The following LUZP2 variants were observed in gnomAD, a reference collection of about 807,000 sequenced individuals.
LUZP2 encodes leucine zipper protein 2.
Under a neutral mutation model 51.6 loss-of-function variants are expected in LUZP2, and 52 were observed. That is an observed-to-expected ratio of 1.01 (90% confidence interval 0.81 to 1.27). The LOEUF (loss-of-function observed/expected upper bound fraction) is 1.27, where lower values mean the gene tolerates loss of function less well. Ranked by LOEUF, LUZP2 falls within the 50% of genes most tolerant of loss-of-function variation. The probability of loss-of-function intolerance (pLI) is 0.00; values close to 1 mark genes in which losing one functional copy is unlikely to be tolerated. For missense variants in LUZP2, 436 were observed against 395.4 expected, an observed-to-expected ratio of 1.10 and a Z score of -0.87; for synonymous variants, 154 against 137.3, an observed-to-expected ratio of 1.12 and a Z score of -0.85.
At chr11:24,613,985 C>A (rs1854207199) in intron 1 of LUZP2, among the ~76,000 whole-genome samples, 1 of 151,936 alleles carries the variant, frequency 6.6e-6, no homozygotes, top group Admixed American at 6.6e-5. Context: ...GTTCTATTTA[C>A]ATTTGTGGTA....
intron 5 of LUZP2, among the ~76,000 whole-genome samples, chr11:24,866,220 G>A (rs1400293847): frequency 6.6e-6 from 1 of 151,474 alleles, no homozygotes; most frequent in Non-Finnish European, 1.5e-5. Context: ...ACACTCCTTA[G>A]TCCACTTATC....
At chr11:24,792,833 T>A (rs574358190) in intron 5 of LUZP2, among the ~76,000 whole-genome samples, 1 of 152,294 alleles carries the variant, frequency 6.6e-6, no homozygotes, top group South Asian at 2.1e-4. Context: ...GGTGTCAGGA[T>A]TGGGATTTGT....
At chr11:24,705,161 A>G (rs999505333) in intron 1 of LUZP2, among the ~76,000 whole-genome samples, 4 of 152,092 alleles carry the variant, frequency 2.6e-5, no homozygotes, top group African/African-American at 9.7e-5. Context: ...AAGATAGTAA[A>G]GTTTTTTAAA....
At chr11:25,064,159 T>G (rs1439041423) in intron 10 of LUZP2, among the ~76,000 whole-genome samples, 2 of 146,516 alleles carry the variant, frequency 1.4e-5, no homozygotes, top group Non-Finnish European at 3.1e-5. Flanking sequence ...TAGTTTATTT[T>G]ATTGTTTCTT....
At chr11:24,918,058 G>C (rs1426225462) in intron 7 of LUZP2, among the ~76,000 whole-genome samples, 1 of 151,932 alleles carries the variant, frequency 6.6e-6, no homozygotes, top group Non-Finnish European at 1.5e-5. Context: ...CACATCCCTT[G>C]TAAGTTGGAT....
intron 9 of LUZP2, among the ~76,000 whole-genome samples, chr11:25,029,157 A>C (rs779622313): frequency 2.6e-5 from 4 of 152,178 alleles, no homozygotes; most frequent in Non-Finnish European, 5.9e-5. Flanking sequence ...AATAAATAAG[A>C]CCTACTATTT....
intron 1 of LUZP2, among the ~76,000 whole-genome samples, chr11:24,551,757 A>G (rs530132662): frequency 6.6e-6 from 1 of 152,190 alleles, no homozygotes; most frequent in Admixed American, 6.6e-5. Context: ...AAAGTAGGTA[A>G]TAGTAACAAC....
In LUZP2 at chr11:24,976,666, G is replaced by A. The variant is rs775480952; in HGVS notation, c.597+1G>A. ...ACTGGAGAAAGCAGCTCTTGACAGG[G>A]TAAGTCTACATTCATGAACCATTAC... is the stretch of plus-strand genomic sequence containing the variant. On this transcript the variant is annotated splice_donor_variant, in intron 8 of 11. Coordinates refer to ENST00000336930, the MANE Select transcript of LUZP2 (RefSeq NM_001009909.4). LOFTEE classifies it high-confidence loss of function. The A allele has an allele frequency of 6.6e-7, 1 of 1,508,326 alleles. No individual in the cohort carries two copies. Among genetic ancestry groups the A allele is most frequent in the Admixed American group, 2.0e-5 (1 of 49,618 alleles). 93.4% of individuals were successfully genotyped at this position (1,508,326 alleles called of 1,614,324 possible).
At chr11:24,918,061 A>C (rs1421781022) in intron 7 of LUZP2, among the ~76,000 whole-genome samples, 1 of 151,914 alleles carries the variant, frequency 6.6e-6, no homozygotes, top group Non-Finnish European at 1.5e-5. Flanking sequence ...ATCCCTTGTA[A>C]GTTGGATTCC....
At chr11:24,701,265 T>G (rs1857413740) in intron 1 of LUZP2, 1 of 162,230 alleles carries the variant, frequency 6.2e-6, no homozygotes, top group African/African-American at 2.4e-5. Flanking sequence ...TCACCATCCC[T>G]GCTGCCCAGA....
intron 1 of LUZP2, among the ~76,000 whole-genome samples, chr11:24,720,041 A>G (rs928681633): frequency 2.0e-5 from 3 of 152,222 alleles, no homozygotes; most frequent in African/African-American, 7.2e-5. Context: ...TGATAATAAA[A>G]TAGACAAATT....
chr11:24,836,130 T>C (rs1396772156), intron 5 of LUZP2, among the ~76,000 whole-genome samples: 2 of 151,946 alleles, frequency 1.3e-5, no homozygotes, highest in Non-Finnish European at 2.9e-5. Context: ...ATAAATCTCT[T>C]GACCTGAATT....
chr11:24,681,670 A>G (rs906067328), intron 1 of LUZP2, among the ~76,000 whole-genome samples: 4 of 152,200 alleles, frequency 2.6e-5, no homozygotes, highest in Non-Finnish European at 4.4e-5. Flanking sequence ...GTTTACACTA[A>G]GGATAATTAG....
At chr11:25,001,075 A>G (rs572801297) in intron 9 of LUZP2, among the ~76,000 whole-genome samples, 1 of 152,266 alleles carries the variant, frequency 6.6e-6, no homozygotes, top group South Asian at 2.1e-4. Flanking sequence ...TTTCCATAAG[A>G]TTAGAAGTTA....
Position 24,678,034 on chromosome 11 carries a change from C to CA in LUZP2, c.63-51127dup, listed in dbSNP as rs1235265247. On this transcript the variant is annotated intron_variant, in intron 1 of 11. Transcript: ENST00000336930. ...CCTGGGCGACAGAGCGAGACTCCGT[C>CA]AAAAAAAAGAAAGAAAGAAAGAAAA... Among the ~76,000 whole-genome samples the CA allele has an allele frequency of 2.6e-4, 25 of 97,134 alleles. No homozygotes were observed. In the East Asian group the frequency reaches 3.4e-3, roughly 13 times the overall value. 63.7% of individuals were successfully genotyped at this position (97,134 alleles called of 152,430 possible). A position where few individuals can be genotyped will look rare whatever the true frequency, so the allele number is the denominator to read the frequency against.
chr11:24,509,934 T>C (rs892074731), intron 1 of LUZP2, among the ~76,000 whole-genome samples: 2 of 152,204 alleles, frequency 1.3e-5, no homozygotes, highest in Admixed American at 1.3e-4. Context: ...AAAGACAGCT[T>C]TGACAGGTAG....
chr11:24,733,418 G>A (rs141915811), intron 3 of LUZP2, among the ~76,000 whole-genome samples: 98 of 151,814 alleles, frequency 6.5e-4, no homozygotes, highest in Non-Finnish European at 1.3e-3. Flanking sequence ...ATTTTGAATA[G>A]CAATAGTAGA....
chr11:24,793,385 A>G (rs1220303990), intron 5 of LUZP2, among the ~76,000 whole-genome samples: 1 of 152,132 alleles, frequency 6.6e-6, no homozygotes, highest in African/African-American at 2.4e-5. Flanking sequence ...TCTTTCCTTC[A>G]CAAATAAACA....
At chr11:24,948,297 G>A (rs1294205246) in intron 7 of LUZP2, among the ~76,000 whole-genome samples, 2 of 150,844 alleles carry the variant, frequency 1.3e-5, no homozygotes, top group Admixed American at 1.3e-4. Context: ...CTTTATTGCT[G>A]TTCTCTATTT....
Sources: gnomAD v4.1 joint callset for allele counts (sites outside exome capture counted in the v4.1 genomes callset) on GRCh38, gnomAD v4.1.1 for gene constraint, MANE v1.5 for transcripts, NCBI Gene and HGNC (gene_info 2026-07-23, HGNC 2026-07-21) for gene names.